Variants in PTPRM observed in about 807,000 individuals in gnomAD.
PTPRM encodes receptor-type tyrosine-protein phosphatase mu.
In PTPRM, 47 loss-of-function variants were observed where a neutral mutation model predicts 186.7. The observed-to-expected ratio is 0.25, with a 90% CI of 0.20 to 0.32. The LOEUF (loss-of-function observed/expected upper bound fraction) is 0.32, where lower values mean the gene tolerates loss of function less well. Ranked by LOEUF, PTPRM falls within the 10% of genes least tolerant of loss-of-function variation. The probability of loss-of-function intolerance (pLI) is 1.00; values close to 1 mark genes in which losing one functional copy is unlikely to be tolerated. For missense variants in PTPRM, 1,494 were observed against 1,865.0 expected, an observed-to-expected ratio of 0.80 and a Z score of 3.66; for synonymous variants, 668 against 674.9, an observed-to-expected ratio of 0.99 and a Z score of 0.16.
At chr18:8,087,988 T>C (rs1252597493) in intron 10 of PTPRM, among the ~76,000 whole-genome samples, 1 of 152,146 alleles carries the variant, frequency 6.6e-6, no homozygotes, top group African/African-American at 2.4e-5. Flanking sequence ...TGCTGGAAAC[T>C]GGCCTTAGAA....
chr18:7,653,293 T>A (rs1424429885), intron 1 of PTPRM, among the ~76,000 whole-genome samples: 1 of 152,040 alleles, frequency 6.6e-6, no homozygotes, highest in East Asian at 1.9e-4. Context: ...ACCACAGGCA[T>A]GCACCACCAC....
At chr18:7,728,528 G>T (rs776243473) in intron 1 of PTPRM, among the ~76,000 whole-genome samples, 38 of 152,228 alleles carry the variant, frequency 2.5e-4, no homozygotes, top group Non-Finnish European at 4.8e-4. Context: ...GCCCAGGCAA[G>T]CCATAGGTAG....
chr18:8,095,762 A>C (rs574155000), intron 11 of PTPRM, among the ~76,000 whole-genome samples: 239 of 152,316 alleles, frequency 1.6e-3, no homozygotes, highest in African/African-American at 5.4e-3. Context: ...TAGAGAAATC[A>C]AAAACACTTA....
At chr18:8,034,715 T>C (rs2086214818) in intron 7 of PTPRM, among the ~76,000 whole-genome samples, 1 of 152,206 alleles carries the variant, frequency 6.6e-6, no homozygotes, top group African/African-American at 2.4e-5. Context: ...AGGGATTGTT[T>C]TCCTTTTCCT....
intron 14 of PTPRM, among the ~76,000 whole-genome samples, chr18:8,178,908 A>G (rs956437107): frequency 6.6e-6 from 1 of 152,204 alleles, no homozygotes; most frequent in Admixed American, 6.5e-5. Context: ...ACCATCAAAT[A>G]CCTGTATGAG....
intron 5 of PTPRM, among the ~76,000 whole-genome samples, chr18:7,929,001 A>G (rs539266176): frequency 4.4e-4 from 67 of 152,320 alleles, no homozygotes; most frequent in African/African-American, 1.2e-3. Context: ...ACTCTACTAT[A>G]GAACAACTTG....
chr18:8,017,442 G>A lies in PTPRM; in HGVS notation c.1133-52244G>A, dbSNP rs759224447. On this transcript the variant is annotated intron_variant, in intron 7 of 32. Transcript: ENST00000580170. ...TCCTAAAAATACAAAAATTAGTTGG[G>A]TGCGGTGACATGCACCTGTAATCCC... Among the ~76,000 whole-genome samples, 4 of 152,006 alleles carry A rather than the reference G, an allele frequency of 2.6e-5. No individual in the cohort carries two copies. In the South Asian group the frequency reaches 6.2e-4, roughly 24 times the overall value.
At chr18:7,854,819 T>C (rs998364382) in intron 2 of PTPRM, among the ~76,000 whole-genome samples, 5 of 151,984 alleles carry the variant, frequency 3.3e-5, no homozygotes, top group South Asian at 2.1e-4. Context: ...TGCATTGTTA[T>C]ATAAAGGGTA....
At chr18:7,824,578 T>C (rs182008801) in intron 2 of PTPRM, among the ~76,000 whole-genome samples, 1 of 152,332 alleles carries the variant, frequency 6.6e-6, no homozygotes, top group East Asian at 1.9e-4. Context: ...TATTTACTTA[T>C]TTTTCCTATT....
At chr18:8,087,302 A>G (rs934071806) in intron 10 of PTPRM, among the ~76,000 whole-genome samples, 1 of 152,096 alleles carries the variant, frequency 6.6e-6, no homozygotes, top group Non-Finnish European at 1.5e-5. Context: ...CATTTTTGCT[A>G]TTTTTATTAG....
chr18:8,139,659 C>G (rs968595063), intron 13 of PTPRM, among the ~76,000 whole-genome samples: 7 of 152,160 alleles, frequency 4.6e-5, no homozygotes, highest in Non-Finnish European at 1.0e-4. Context: ...CTCATTTGCA[C>G]CTTTTCCCTT....
intron 2 of PTPRM, among the ~76,000 whole-genome samples, chr18:7,864,351 T>A (rs570242990): frequency 2.8e-4 from 43 of 152,256 alleles, no homozygotes; most frequent in Non-Finnish European, 5.4e-4. Context: ...AAGTTTTTAA[T>A]CCATTTTGAG....
intron 32 of PTPRM, among the ~76,000 whole-genome samples, chr18:8,400,558 C>T (rs1341275300): frequency 6.6e-6 from 1 of 152,162 alleles, no homozygotes; most frequent in Non-Finnish European, 1.5e-5. Context: ...ATCAGCGGGC[C>T]TCTCCCTTCC....
Position 7,567,684 on chromosome 18 carries a change from C to CT in PTPRM, c.-132dup. The CT allele has an allele frequency of 1.3e-6, 1 of 772,698 alleles. No individual in the cohort carries two copies. The allele number at this position is 772,698 out of a possible 1,614,324, so 47.9% of individuals were successfully genotyped here. On this transcript the variant is annotated 5_prime_UTR_variant, in exon 1 of 33. Coordinates refer to ENST00000580170, the MANE Select transcript of PTPRM (RefSeq NM_001105244.2). This position sits in a 1 kb window ranked among gnomAD's most constrained non-coding sequence, Gnocchi z 4.3. ...GTTCGGACTTCTGCAACTGTTGGCA[C>CT]TTTGGGGGCTTGGCTTAGCGCTCTG...
At chr18:8,215,096 A>C (rs2094061568) in intron 14 of PTPRM, among the ~76,000 whole-genome samples, 1 of 152,204 alleles carries the variant, frequency 6.6e-6, no homozygotes, top group Non-Finnish European at 1.5e-5. Context: ...TACATCCAGA[A>C]CTGGGTTTCT....
chr18:7,746,855 T>C (rs1003742164), intron 1 of PTPRM, among the ~76,000 whole-genome samples: 1 of 152,216 alleles, frequency 6.6e-6, no homozygotes, highest in Non-Finnish European at 1.5e-5. Context: ...CGATTGGTTC[T>C]GTGGCCAGCT....
At chr18:8,003,286 C>T (rs371769766) in intron 7 of PTPRM, among the ~76,000 whole-genome samples, 21 of 152,264 alleles carry the variant, frequency 1.4e-4, no homozygotes, top group East Asian at 9.7e-4. Flanking sequence ...TTGCCTACGG[C>T]GACATAAGAC....
chr18:7,895,342 G>T (rs1329061430), intron 3 of PTPRM, among the ~76,000 whole-genome samples: 1 of 152,174 alleles, frequency 6.6e-6, no homozygotes, highest in African/African-American at 2.4e-5. Flanking sequence ...AATAGTTGAT[G>T]CTTTCTCCCT....
chr18:7,707,724 G>C (rs949721660), intron 1 of PTPRM, among the ~76,000 whole-genome samples: 1 of 152,130 alleles, frequency 6.6e-6, no homozygotes, highest in Non-Finnish European at 1.5e-5. Flanking sequence ...CTGGAGTTTA[G>C]GGAGAGAAGC....
Sources: gnomAD v4.1 joint callset for allele counts (sites outside exome capture counted in the v4.1 genomes callset) on GRCh38, gnomAD v4.1.1 for gene constraint, Gnocchi (gnomAD v3.1) non-coding constraint, MANE v1.5 for transcripts, NCBI Gene and HGNC (gene_info 2026-07-23, HGNC 2026-07-21) for gene names.